The following TENM2 variants were observed in gnomAD, a reference collection of about 807,000 sequenced individuals.
The protein encoded by TENM2 is teneurin transmembrane protein 2, also known as teneurin-2.
A neutral mutation model predicts 245.2 loss-of-function variants in TENM2; 52 were observed. The ratio of observed to expected loss-of-function variants is 0.21; its 90% CI spans 0.17 to 0.27. TENM2 has a LOEUF of 0.27. TENM2 is among the 10% of genes least tolerant of loss of function. The probability of loss-of-function intolerance (pLI) is 1.00; values close to 1 mark genes in which losing one functional copy is unlikely to be tolerated. For synonymous variants in TENM2, 1,363 were observed against 1,438.9 expected (o/e 0.95, Z 1.19); for missense variants, 3,046 against 3,666.8 (o/e 0.83, Z 4.37).
chr5:168,080,178 A>C (rs1278610685), intron 7 of TENM2, among the ~76,000 whole-genome samples: 1 of 152,030 alleles, frequency 6.6e-6, no homozygotes, highest in Non-Finnish European at 1.5e-5. Context: ...TGTGTCGAGG[A>C]ATTTATCCAT....
intron 2 of TENM2, among the ~76,000 whole-genome samples, chr5:167,725,446 A>G (rs1372660839): frequency 6.6e-6 from 1 of 152,196 alleles, no homozygotes; most frequent in Non-Finnish European, 1.5e-5. Context: ...TTTTTCTCCT[A>G]GCACTGACTT....
At chr5:167,351,175 CATATGGGATATATATGGATATATAT>C (rs931944695) in intron 1 of TENM2, among the ~76,000 whole-genome samples, 17 of 146,730 alleles carry the variant, frequency 1.2e-4, no homozygotes, top group South Asian at 2.2e-4. Context: ...GGGATATATA[CATATGGGATATATATGGATATATAT>C]ATATGGGATA....
intron 2 of TENM2, among the ~76,000 whole-genome samples, chr5:167,567,525 C>T (rs1582407861): frequency 6.6e-6 from 1 of 152,100 alleles, no homozygotes; most frequent in African/African-American, 2.4e-5. Context: ...GGATTAGCTG[C>T]CCATGGGTCA....
intron 2 of TENM2, among the ~76,000 whole-genome samples, chr5:167,526,545 A>G (rs1357467061): frequency 5.3e-5 from 8 of 151,908 alleles, no homozygotes; most frequent in African/African-American, 1.9e-4. Flanking sequence ...TTGAAGTGCA[A>G]TTTGTTTGTT....
the TENM2 span, among the ~76,000 whole-genome samples, chr5:167,266,073 C>G: frequency 6.6e-6 from 1 of 152,138 alleles, no homozygotes; most frequent in Admixed American, 6.5e-5. Flanking sequence ...AAAGTCAAGT[C>G]CCAGTTGTGG....
At chr5:168,039,623 C>G (rs554221126) in intron 5 of TENM2, among the ~76,000 whole-genome samples, 14 of 152,112 alleles carry the variant, frequency 9.2e-5, no homozygotes, top group African/African-American at 3.4e-4. Flanking sequence ...GCTAATGGCT[C>G]CAGGCTTGTG....
At chr5:167,224,570 A>C in the TENM2 span, among the ~76,000 whole-genome samples, 1 of 151,992 alleles carries the variant, frequency 6.6e-6, no homozygotes, top group Non-Finnish European at 1.5e-5. Flanking sequence ...TACCAACATC[A>C]TGCTGTTTTG....
intron 2 of TENM2, chr5:167,754,831 C>T (rs1159845359): frequency 2.9e-5 from 12 of 410,110 alleles, no homozygotes; most frequent in African/African-American, 8.1e-5. Flanking sequence ...TGGCTGGCAG[C>T]GGGGGAGGCG....
intron 1 of TENM2, among the ~76,000 whole-genome samples, chr5:167,359,622 G>A (rs976802270): frequency 4.4e-4 from 67 of 152,058 alleles, no homozygotes; most frequent in African/African-American, 1.5e-3. Flanking sequence ...TAGGGGCATC[G>A]CTGTCACGAA....
chr5:167,826,095 A>C (rs182136599), intron 2 of TENM2, among the ~76,000 whole-genome samples: 5 of 152,320 alleles, frequency 3.3e-5, no homozygotes, highest in Non-Finnish European at 7.3e-5. Context: ...TGTGCAAAAA[A>C]ACAAACAAAC....
intron 2 of TENM2, among the ~76,000 whole-genome samples, chr5:167,438,438 C>A (rs1164592589): frequency 6.6e-6 from 1 of 152,206 alleles, no homozygotes. Flanking sequence ...CTTGAACAGG[C>A]TGGAGTGCAG....
intron 2 of TENM2, among the ~76,000 whole-genome samples, chr5:167,545,055 T>C (rs1200824763): frequency 6.6e-6 from 1 of 152,198 alleles, no homozygotes; most frequent in Non-Finnish European, 1.5e-5. Context: ...TGCTGATCTA[T>C]TTCAATAATT....
At chr5:167,128,442 A>C in the TENM2 span, among the ~76,000 whole-genome samples, 12 of 152,042 alleles carry the variant, frequency 7.9e-5, no homozygotes, top group African/African-American at 2.9e-4. Flanking sequence ...ATTCAGTTGG[A>C]ATGAGGACAG....
chr5:167,865,828 A>T (rs560811075), intron 2 of TENM2, among the ~76,000 whole-genome samples: 1 of 152,340 alleles, frequency 6.6e-6, no homozygotes, highest in South Asian at 2.1e-4. Flanking sequence ...ATACTTACAC[A>T]CTGAGAGAGA....
At chr5:168,097,007 T>C (rs929854132) in intron 8 of TENM2, among the ~76,000 whole-genome samples, 1 of 152,170 alleles carries the variant, frequency 6.6e-6, no homozygotes, top group African/African-American at 2.4e-5. Context: ...TGATGCAGGT[T>C]AGAGCCAAAT....
chr5:167,185,727 A>G, the TENM2 span, among the ~76,000 whole-genome samples: 1 of 150,996 alleles, frequency 6.6e-6, no homozygotes, highest in Non-Finnish European at 1.5e-5. Context: ...TTTTTTGGCT[A>G]TCATTATTTA....
At chr5:168,062,647 GTGGC>G (rs1790147561) in intron 7 of TENM2, among the ~76,000 whole-genome samples, 1 of 152,160 alleles carries the variant, frequency 6.6e-6, no homozygotes, top group Non-Finnish European at 1.5e-5. Flanking sequence ...CAACTGGTGA[GTGGC>G]TAAACAAAAT....
Position 167,577,861 on chromosome 5 carries a change from T to C in TENM2, c.502+202388T>C, listed in dbSNP as rs151152593. Among the ~76,000 whole-genome samples the C allele has an allele frequency of 1.4e-3, 215 of 152,312 alleles. 1 individual carries two copies. Among genetic ancestry groups the C allele is most frequent in the African/African-American group, 5.0e-3 (209 of 41,570 alleles). On this transcript the variant is annotated intron_variant, in intron 2 of 28. Transcript: ENST00000518659. ...GCAAAATATGCGCCAAACAGCCTAC[T>C]GGACTAAAAGTGCCAGGTCTTAACT...
At chr5:167,894,453 C>T (rs968617640) in intron 3 of TENM2, among the ~76,000 whole-genome samples, 6 of 55,022 alleles carry the variant, frequency 1.1e-4, no homozygotes, top group African/African-American at 2.5e-4. Flanking sequence ...CTCCTTTTCT[C>T]TCCCCACTCT....
Sources: allele counts gnomAD v4.1 joint callset (sites outside exome capture counted in the v4.1 genomes callset), GRCh38; gene constraint gnomAD v4.1.1; transcripts MANE v1.5; gene names NCBI Gene and HGNC (gene_info 2026-07-23, HGNC 2026-07-21).